Variants in ADGRB3 observed in about 807,000 individuals in gnomAD.
ADGRB3 encodes adhesion G protein-coupled receptor B3.
Under a neutral mutation model 193.4 loss-of-function variants are expected in ADGRB3, and 37 were observed. The observed-to-expected ratio is 0.19, with a 90% CI of 0.15 to 0.25. ADGRB3 has a LOEUF of 0.25. ADGRB3 is among the 10% of genes least tolerant of loss of function. The probability of loss-of-function intolerance (pLI) is 1.00; values close to 1 mark genes in which losing one functional copy is unlikely to be tolerated. For synonymous variants in ADGRB3, 690 were observed against 644.2 expected, an observed-to-expected ratio of 1.07 and a Z score of -1.08; for missense variants, 1,637 against 1,852.9, an observed-to-expected ratio of 0.88 and a Z score of 2.14.
chr6:69,117,774 G>T (rs1034458175), intron 17 of ADGRB3, among the ~76,000 whole-genome samples: 2 of 152,148 alleles, frequency 1.3e-5, no homozygotes, highest in Non-Finnish European at 2.9e-5. Context: ...TATTGAATTA[G>T]ATTAAAATTA....
At chr6:68,700,582 C>T (rs1765226661) in intron 3 of ADGRB3, among the ~76,000 whole-genome samples, 1 of 151,866 alleles carries the variant, frequency 6.6e-6, no homozygotes, top group African/African-American at 2.4e-5. Context: ...CATAATTAAA[C>T]AATTTCAGTA....
At chr6:69,282,756 T>C (rs943365258) in intron 20 of ADGRB3, among the ~76,000 whole-genome samples, 1 of 152,194 alleles carries the variant, frequency 6.6e-6, no homozygotes, top group African/African-American at 2.4e-5. Flanking sequence ...TATTACACAT[T>C]AAATCAATAC....
At chr6:69,072,832 A>G (rs1156699935) in intron 16 of ADGRB3, among the ~76,000 whole-genome samples, 2 of 152,216 alleles carry the variant, frequency 1.3e-5, no homozygotes, top group Non-Finnish European at 1.5e-5. Flanking sequence ...ACTTTATGAC[A>G]GCATTTTGGC....
At chr6:68,863,294 G>A (rs889475672) in intron 3 of ADGRB3, among the ~76,000 whole-genome samples, 2 of 151,896 alleles carry the variant, frequency 1.3e-5, no homozygotes, top group Admixed American at 6.6e-5. Context: ...ATATATTAGA[G>A]AAATTCTTAG....
chr6:68,743,351 T>G (rs72899234), intron 3 of ADGRB3, among the ~76,000 whole-genome samples: 7,213 of 150,120 alleles, frequency 0.048, 278 homozygotes, highest in African/African-American at 0.11. Flanking sequence ...GTTTTTTTTT[T>G]TGTGTGTGTG....
intron 3 of ADGRB3, among the ~76,000 whole-genome samples, chr6:68,743,460 T>G (rs1415447645): frequency 2.6e-5 from 4 of 152,064 alleles, no homozygotes; most frequent in East Asian, 1.9e-4. Flanking sequence ...CCAAATAGTT[T>G]GATAACCCAT....
intron 28 of ADGRB3, among the ~76,000 whole-genome samples, chr6:69,358,867 C>A (rs1011676844): frequency 6.6e-6 from 1 of 151,654 alleles, no homozygotes. Context: ...GCATTTCTCT[C>A]GTATAGAGCA....
chr6:69,176,560 G>C lies in ADGRB3; in HGVS notation c.2481-56730G>C, dbSNP rs374731353. Among the ~76,000 whole-genome samples the C allele has an allele frequency of 1.2e-3, 184 of 152,232 alleles. 2 individuals carry two copies. In the South Asian group the frequency reaches 0.03, roughly 25 times the overall value. On this transcript the variant is annotated intron_variant, in intron 17 of 31. Transcript: ENST00000370598. ...GCTAGTAATTTGAGAATTTTTGTGTGTGTGTCCATGTTCATCAGGGATAGT... is the reference window on the plus strand; with the variant it reads ...GCTAGTAATTTGAGAATTTTTGTGTCTGTGTCCATGTTCATCAGGGATAGT...
chr6:68,883,411 A>G (rs894412593), intron 3 of ADGRB3, among the ~76,000 whole-genome samples: 4 of 152,200 alleles, frequency 2.6e-5, no homozygotes, highest in Admixed American at 6.5e-5. Context: ...AGCTGCGGCA[A>G]TCAGGTTGCG....
At chr6:68,702,119 C>A (rs1765251642) in intron 3 of ADGRB3, among the ~76,000 whole-genome samples, 2 of 151,946 alleles carry the variant, frequency 1.3e-5, no homozygotes, top group South Asian at 4.1e-4. Context: ...ATAGCAACAT[C>A]TGCTTCTGGG....
At chr6:68,880,334 A>G (rs2150224054) in intron 3 of ADGRB3, among the ~76,000 whole-genome samples, 1 of 152,374 alleles carries the variant, frequency 6.6e-6, no homozygotes, top group African/African-American at 2.4e-5. Flanking sequence ...TTTCAAATAA[A>G]TAGCTTCCTT....
chr6:69,109,563 C>T (rs1379493046), intron 17 of ADGRB3, among the ~76,000 whole-genome samples: 2 of 152,174 alleles, frequency 1.3e-5, no homozygotes, highest in Non-Finnish European at 2.9e-5. Flanking sequence ...GTATCAGTAA[C>T]CCTATTTTAC....
chr6:69,191,499 T>G (rs1582532710), intron 17 of ADGRB3, among the ~76,000 whole-genome samples: 1 of 152,208 alleles, frequency 6.6e-6, no homozygotes, highest in African/African-American at 2.4e-5. Flanking sequence ...TACTTTTACA[T>G]GATTCACAAT....
intron 12 of ADGRB3, among the ~76,000 whole-genome samples, chr6:69,014,893 T>TC (rs1232645365): frequency 2.0e-5 from 3 of 151,960 alleles, no homozygotes; most frequent in Non-Finnish European, 4.4e-5. Flanking sequence ...CCCTTTATAA[T>TC]CATATTCTGG....
chr6:68,902,260 AC>A (rs1397625532), intron 3 of ADGRB3, among the ~76,000 whole-genome samples: 3 of 152,162 alleles, frequency 2.0e-5, no homozygotes, highest in Non-Finnish European at 4.4e-5. Flanking sequence ...GTCTGTTATC[AC>A]ACTAAAAGTT....
chr6:69,187,244 T>G (rs969475382), intron 17 of ADGRB3, among the ~76,000 whole-genome samples: 1 of 152,128 alleles, frequency 6.6e-6, no homozygotes, highest in Non-Finnish European at 1.5e-5. Context: ...ACGAATTAAT[T>G]TGAATAATAA....
At chr6:69,306,065 A>C (rs1332145224) in intron 20 of ADGRB3, among the ~76,000 whole-genome samples, 1 of 151,498 alleles carries the variant, frequency 6.6e-6, no homozygotes, top group Non-Finnish European at 1.5e-5. Context: ...CATTTTATAT[A>C]AGGGAGTTGA....
chr6:68,780,062 T>C (rs1024013378), intron 3 of ADGRB3, among the ~76,000 whole-genome samples: 3 of 152,092 alleles, frequency 2.0e-5, no homozygotes, highest in African/African-American at 7.2e-5. Context: ...TGTTTTACAT[T>C]GCATAGCCCC....
At chr6:68,873,401 C>G (rs933404121) in intron 3 of ADGRB3, among the ~76,000 whole-genome samples, 5 of 152,050 alleles carry the variant, frequency 3.3e-5, no homozygotes, top group African/African-American at 1.2e-4. Flanking sequence ...TCCCTGAAAG[C>G]TAATGAAAGT....
Sources: gnomAD v4.1 joint callset for allele counts (sites outside exome capture counted in the v4.1 genomes callset) on GRCh38, gnomAD v4.1.1 for gene constraint, MANE v1.5 for transcripts, NCBI Gene and HGNC (gene_info 2026-07-23, HGNC 2026-07-21) for gene names.